The following STAT4 variants were observed in gnomAD, a reference collection of about 807,000 sequenced individuals.
STAT4 encodes signal transducer and activator of transcription 4.
In STAT4, 42 loss-of-function variants were observed where a neutral mutation model predicts 110.5. That is an observed-to-expected ratio of 0.38 (90% CI 0.30 to 0.49). STAT4 has a LOEUF of 0.49. Among genes scored for constraint, STAT4 ranks in the 20% least tolerant of loss-of-function variants. STAT4 has a pLI of 0.95. For synonymous variants in STAT4, 284 were observed against 302.2 expected (o/e 0.94, Z 0.63); for missense variants, 632 against 887.9 (o/e 0.71, Z 3.66).
At chr2:191,069,957 T>C (rs977498928) in intron 5 of STAT4, among the ~76,000 whole-genome samples, 186 bp from the exon 6 acceptor site, 3 of 152,232 alleles carry the variant, frequency 2.0e-5, no homozygotes, top group African/African-American at 7.2e-5. Context: ...AAGAACCAGA[T>C]TGAACTTGCC....
At chr2:191,122,953 T>C (rs1698779579) in intron 3 of STAT4, among the ~76,000 whole-genome samples, 1 of 152,256 alleles carries the variant, frequency 6.6e-6, no homozygotes, top group South Asian at 2.1e-4. Flanking sequence ...AATTAAACTT[T>C]GTGTGTTTTA....
At chr2:191,054,144 GAA>G (rs1696607557) in intron 14 of STAT4, among the ~76,000 whole-genome samples, 1 of 141,186 alleles carries the variant, frequency 7.1e-6, no homozygotes, top group Admixed American at 7.0e-5. Flanking sequence ...AAAAAAAAAA[GAA>G]AGAAAAAAAA....
rs558744123 is a variant in STAT4, at chr2:191,089,785, G to C, written c.274-13460C>G. The stretch of plus-strand genomic sequence containing the variant: ...ATGAAATTTACATGCATATTACCAA[G>C]TAAAAGCAGCCAACGTGAAAAGGCT... On this transcript the variant is annotated intron_variant, in intron 3 of 23. Coordinates refer to ENST00000392320, the MANE Select transcript of STAT4 (RefSeq NM_003151.4). Among the ~76,000 whole-genome samples, 3 of 152,190 alleles carry C rather than the reference G, an allele frequency of 2.0e-5. No homozygotes were observed. In the South Asian group the frequency reaches 6.2e-4, roughly 31 times the overall value.
intron 3 of STAT4, among the ~76,000 whole-genome samples, chr2:191,125,476 T>TTTTTTATTA (rs141291456): frequency 1.4e-4 from 19 of 138,002 alleles, no homozygotes; most frequent in African/African-American, 4.8e-4. Context: ...ATCCTCATTA[T>TTTTTTATTA]TTATTATTAT....
chr2:191,129,856 C>T (rs1005294015), intron 3 of STAT4, among the ~76,000 whole-genome samples: 1 of 152,158 alleles, frequency 6.6e-6, no homozygotes, highest in African/African-American at 2.4e-5. Flanking sequence ...TGGGTGCACT[C>T]TTACCAAAAA....
In STAT4 at chr2:191,046,706, C is replaced by A. The variant is rs1276037865; in HGVS notation, c.1252-5558G>T. 6.6e-6 allele frequency among the ~76,000 whole-genome samples: 1 copy of A among 152,232 alleles called. No homozygotes were observed. Reference sequence around the variant, plus strand: ...ATAAGAAATCTATATTTGGTCCCTGCACCTGGTTACTGAGACAGAGCTCCT... The same window carrying A: ...ATAAGAAATCTATATTTGGTCCCTGAACCTGGTTACTGAGACAGAGCTCCT... On this transcript the variant is annotated intron_variant, in intron 14 of 23. Transcript: ENST00000392320. The surrounding 1 kb of genome is among the most constrained non-coding windows in gnomAD (Gnocchi z 4.6).
chr2:191,122,763 T>C (rs1264939157), intron 3 of STAT4, among the ~76,000 whole-genome samples: 6 of 152,028 alleles, frequency 3.9e-5, no homozygotes, highest in African/African-American at 1.5e-4. Context: ...CTCCAGAAAA[T>C]TATTCTGTGA....
chr2:191,081,948 C>A (rs936091169), intron 3 of STAT4, among the ~76,000 whole-genome samples: 1 of 152,104 alleles, frequency 6.6e-6, no homozygotes, highest in South Asian at 2.1e-4. Flanking sequence ...GTTAAGTGTA[C>A]CCTGCTCAGT....
chr2:191,116,398 A>G lies in STAT4; in HGVS notation c.273+30215T>C, dbSNP rs538809713. The stretch of plus-strand genomic sequence containing the variant: ...TAGATAAAGAAGAATCAGCCTAGTT[A>G]TAATAAAATAGCCCAAGGAAAGTTG... On this transcript the variant is annotated intron_variant, in intron 3 of 23. Coordinates refer to ENST00000392320, the MANE Select transcript of STAT4 (RefSeq NM_003151.4). This position sits in a 1 kb window ranked among gnomAD's most constrained non-coding sequence, Gnocchi z 4.1. Among the ~76,000 whole-genome samples, 11 of 152,356 alleles carry G rather than the reference A, an allele frequency of 7.2e-5. 1 individual carries two copies. The South Asian group carries it at 2.3e-3, about 32-fold the overall frequency.
intron 3 of STAT4, among the ~76,000 whole-genome samples, chr2:191,134,081 C>G (rs555492496): frequency 6.6e-6 from 1 of 152,346 alleles, no homozygotes; most frequent in South Asian, 2.1e-4. Flanking sequence ...ACAACACAGT[C>G]TACCACCATT....
intron 13 of STAT4, among the ~76,000 whole-genome samples, chr2:191,055,365 A>ATTTTTTTTT: frequency 1.0e-5 from 1 of 96,956 alleles, no homozygotes. Context: ...AGCCTGGCTA[A>ATTTTTTTTT]TTTTTTTTTT....
In STAT4 at chr2:191,062,577, G is replaced by A. The variant is rs1696879711; in HGVS notation, c.941+185C>T. Reference sequence around the variant, plus strand: ...AAAACTGAGCCAGTTGGTGAGAGAAGTGTTGATGAATAAATAGTGAAGAGT... The same window carrying A: ...AAAACTGAGCCAGTTGGTGAGAGAAATGTTGATGAATAAATAGTGAAGAGT... On this transcript the variant is annotated intron_variant, in intron 9 of 23. Transcript: ENST00000392320. This position sits in a 1 kb window ranked among gnomAD's most constrained non-coding sequence, Gnocchi z 4.9. Among the ~76,000 whole-genome samples the A allele has an allele frequency of 6.6e-6, 1 of 152,216 alleles. No individual in the cohort carries two copies. The highest frequency in any genetic ancestry group is 1.5e-5 in the Non-Finnish European group (1 of 68,030).
chr2:191,098,576 AGGGC>A (rs1469960373), intron 3 of STAT4, among the ~76,000 whole-genome samples: 1 of 147,096 alleles, frequency 6.8e-6, no homozygotes, highest in Non-Finnish European at 1.5e-5. Context: ...ACTTGGACAC[AGGGC>A]GGGGAACATC....
chr2:191,057,972 G>A, intron 13 of STAT4, 46 bp downstream of exon 13: 1 of 1,471,790 alleles, frequency 6.8e-7, no homozygotes, highest in South Asian at 1.1e-5. Flanking sequence ...AAAGATGTCT[G>A]ATTTTGGGGA....
At chr2:191,067,120 A>C (rs1218153978) in intron 6 of STAT4, among the ~76,000 whole-genome samples, 2 of 150,948 alleles carry the variant, frequency 1.3e-5, no homozygotes, top group African/African-American at 4.9e-5. Flanking sequence ...CCAGAGTTGT[A>C]ACTTAGAAAA....
At chr2:191,137,159 G>A (rs569877990) in intron 3 of STAT4, among the ~76,000 whole-genome samples, 153 of 152,064 alleles carry the variant, frequency 1.0e-3, no homozygotes, top group African/African-American at 3.5e-3. Flanking sequence ...CCTGGCCAAC[G>A]TGGTGAAACC....
intron 1 of STAT4, among the ~76,000 whole-genome samples, chr2:191,149,713 T>C (rs1052957274): frequency 6.6e-6 from 1 of 152,234 alleles, no homozygotes. Flanking sequence ...CGGATGTGTA[T>C]ATATTCCACA....
In STAT4 at chr2:191,104,680, T is replaced by A. The variant is rs1232400621; in HGVS notation, c.274-28355A>T. On this transcript the variant is annotated intron_variant, in intron 3 of 23. Transcript: ENST00000392320. The surrounding 1 kb of genome is among the most constrained non-coding windows in gnomAD (Gnocchi z 4.3). ...AAAACATAAAACACTCCTCCCCATA[T>A]GATTTGAAAGGATATATATTGTCAA... Among the ~76,000 whole-genome samples the A allele has an allele frequency of 1.3e-5, 2 of 152,204 alleles. No homozygotes were observed. Among genetic ancestry groups the A allele is most frequent in the African/African-American group, 2.4e-5 (1 of 41,452 alleles).
In STAT4 at chr2:191,135,327, C is replaced by T. The variant is rs1167675504; in HGVS notation, c.273+11286G>A. ...AAATGGATAAATTCCTGGACTCATG[C>T]AACCTAGCAAGATTGAATCAGGAAA... On this transcript the variant is annotated intron_variant, in intron 3 of 23. Transcript: ENST00000392320. The surrounding 1 kb of genome is among the most constrained non-coding windows in gnomAD (Gnocchi z 4.8). 1.3e-5 allele frequency among the ~76,000 whole-genome samples: 2 copies of T among 152,134 alleles called. No individual in the cohort carries two copies. The highest frequency in any genetic ancestry group is 6.5e-5 in the Admixed American group (1 of 15,276).
Sources: gnomAD v4.1 joint callset for allele counts (sites outside exome capture counted in the v4.1 genomes callset) on GRCh38, gnomAD v4.1.1 for gene constraint, Gnocchi (gnomAD v3.1) non-coding constraint, MANE v1.5 for transcripts, NCBI Gene and HGNC (gene_info 2026-07-23, HGNC 2026-07-21) for gene names.